EAF2: variants seen among roughly 807,000 people sequenced by gnomAD.
The protein encoded by EAF2 is ELL associated factor 2.
EAF2 carries 29 observed loss-of-function variants against 29.4 expected under a neutral mutation model. The ratio of observed to expected loss-of-function variants is 0.99; its 90% confidence interval spans 0.73 to 1.35. EAF2 has a LOEUF of 1.35. EAF2 is among the 40% of genes most tolerant of loss of function. The probability of loss-of-function intolerance (pLI) is 0.00; values close to 1 mark genes in which losing one functional copy is unlikely to be tolerated. For missense variants in EAF2, 292 were observed against 312.0 expected (o/e 0.94, Z 0.48); for synonymous variants, 103 against 102.5 (o/e 1.00, Z -0.03).
intron 2 of EAF2, among the ~76,000 whole-genome samples, chr3:121,853,041 C>G (rs576001546): frequency 2.6e-4 from 39 of 152,066 alleles, no homozygotes; most frequent in Non-Finnish European, 4.6e-4. Flanking sequence ...TTACATGTAC[C>G]CATCACTGAG....
intron 4 of EAF2, among the ~76,000 whole-genome samples, chr3:121,871,937 G>A (rs1216882239): frequency 6.6e-6 from 1 of 151,696 alleles, no homozygotes; most frequent in Non-Finnish European, 1.5e-5. Context: ...TAATTTTTTT[G>A]TGTATCTAGA....
intron 1 of EAF2, among the ~76,000 whole-genome samples, chr3:121,840,498 A>C (rs1313660838): frequency 1.3e-5 from 1 of 75,300 alleles, no homozygotes; most frequent in Non-Finnish European, 3.0e-5. Context: ...TAAAAAAAAA[A>C]AAAAAAAAAA....
chr3:121,838,409 CA>C (rs898177257), intron 1 of EAF2, among the ~76,000 whole-genome samples: 3 of 152,094 alleles, frequency 2.0e-5, no homozygotes, highest in African/African-American at 7.2e-5. Flanking sequence ...GATTAATCAG[CA>C]AATTCTTTAA....
intron 4 of EAF2, among the ~76,000 whole-genome samples, chr3:121,859,436 T>G (rs1027118068): frequency 1.3e-5 from 2 of 152,180 alleles, no homozygotes; most frequent in African/African-American, 4.8e-5. Context: ...GAAGCAATTG[T>G]GAATGGGAGT....
At chr3:121,859,192 T>C (rs1426438193) in intron 4 of EAF2, among the ~76,000 whole-genome samples, 1 of 152,176 alleles carries the variant, frequency 6.6e-6, no homozygotes, top group East Asian at 1.9e-4. Context: ...GTAGTTTTTT[T>C]CCAATTCTCT....
chr3:121,872,985 C>G, intron 5 of EAF2, 197 bp downstream of exon 5: 1 of 832,176 alleles, frequency 1.2e-6, no homozygotes, highest in Non-Finnish European at 2.0e-6. Context: ...TCCCATCTCT[C>G]TAGATAATCT....
intron 5 of EAF2, among the ~76,000 whole-genome samples, chr3:121,882,681 A>T (rs752893128): frequency 1.2e-4 from 18 of 152,138 alleles, no homozygotes; most frequent in Admixed American, 3.9e-4. Flanking sequence ...AGCAAACGAT[A>T]GAACTAATAA....
rs546447828 is a variant in EAF2 at position 121,848,523 on chromosome 3, C to G, written c.201+3976C>G. 2.6e-5 allele frequency among the ~76,000 whole-genome samples: 4 copies of G among 152,224 alleles called. No homozygotes were observed. In the South Asian group the frequency reaches 8.3e-4, roughly 32 times the overall value. On this transcript the variant is annotated intron_variant, in intron 2 of 5. Coordinates refer to ENST00000273668, the MANE Select transcript of EAF2 (RefSeq NM_018456.6). ...ATCGCAACTCTGCCAATGCTTTTAT[C>G]TAGAGGCGTGTTGCCATTTTTGTCT... is the stretch of plus-strand genomic sequence containing the variant.
intron 5 of EAF2, among the ~76,000 whole-genome samples, chr3:121,880,942 T>A (rs751388431): frequency 2.0e-5 from 3 of 152,180 alleles, no homozygotes; most frequent in African/African-American, 4.8e-5. Context: ...TAAAGCGATG[T>A]TGAATTTTAT....
chr3:121,845,296 G>T (rs1342500535), intron 2 of EAF2, among the ~76,000 whole-genome samples: 1 of 151,906 alleles, frequency 6.6e-6, no homozygotes, highest in Non-Finnish European at 1.5e-5. Context: ...AAATTAGCCA[G>T]TCGTGGTAGT....
At chr3:121,840,252 G>A (rs1446585633) in intron 1 of EAF2, among the ~76,000 whole-genome samples, 2 of 149,168 alleles carry the variant, frequency 1.3e-5, no homozygotes, top group Non-Finnish European at 3.0e-5. Context: ...CAGCACTTTC[G>A]GAGGCTGAGG....
At chr3:121,852,794 AATT>A (rs913250090) in intron 2 of EAF2, among the ~76,000 whole-genome samples, 11 of 152,190 alleles carry the variant, frequency 7.2e-5, no homozygotes, top group Non-Finnish European at 4.4e-5. Context: ...TATTTGATAA[AATT>A]ATTATGATAA....
At chr3:121,836,009 T>C (rs542987447) in intron 1 of EAF2, among the ~76,000 whole-genome samples, 2 of 152,346 alleles carry the variant, frequency 1.3e-5, no homozygotes, top group Admixed American at 1.3e-4. Flanking sequence ...ATTTCTACCC[T>C]TTGGTTTTCT....
rs745440983 is a variant in EAF2, at chr3:121,835,373, G to A, written c.88G>A (p.Ala30Thr). 3.1e-6 allele frequency: 5 copies of A among 1,613,966 alleles called. No individual in the cohort carries two copies. The highest frequency in any genetic ancestry group is 1.7e-5 in the Admixed American group (1 of 60,024). Residue 30 changes from alanine to threonine, a missense_variant, in exon 1 of 6, where the codon GCC becomes ACC. Transcript: ENST00000273668. The stretch of plus-strand genomic sequence containing the variant: ...GAGTTTCGAGAAGCAGCCGCGCTGC[G>A]CCTTCCACACTGTGCGCTGTGAGTG... ...GESFEKQPRCAFHTVRYDFKP... is the reference protein window; with the variant it reads ...GESFEKQPRCTFHTVRYDFKP...
intron 2 of EAF2, among the ~76,000 whole-genome samples, chr3:121,849,184 A>G (rs1313960600): frequency 6.6e-6 from 1 of 152,192 alleles, no homozygotes; most frequent in African/African-American, 2.4e-5. Flanking sequence ...TCATCCTGGT[A>G]TAACTGCCTA....
At chr3:121,883,837 T>C (rs1358854909) in intron 5 of EAF2, among the ~76,000 whole-genome samples, 2 of 152,250 alleles carry the variant, frequency 1.3e-5, no homozygotes, top group Non-Finnish European at 2.9e-5. Flanking sequence ...ATATTTTCTT[T>C]ACTAAGCAAC....
At position 121,872,538 on chromosome 3, in the gene EAF2, A is replaced by G. The variant is rs770297396; in HGVS notation, c.486A>G (p.Glu162=). 4 of 1,595,446 alleles carry G rather than the reference A, an allele frequency of 2.5e-6. No individual in the cohort carries two copies. The South Asian group carries it at 4.5e-5, about 18-fold the overall frequency. Residue 162 remains glutamate, a splice_region_variant and synonymous_variant, in exon 5 of 6, where the codon GAA becomes GAG. Coordinates refer to ENST00000273668, the MANE Select transcript of EAF2 (RefSeq NM_018456.6). The part of the protein sequence containing the change: ...PASPIDDIER[E]LKAEASLMDQ... ...TATTCATTTCTGTCTTATTTTCAGA[A>G]CTGAAGGCAGAAGCTAGTCTAATGG...
In EAF2 at chr3:121,886,471, G is replaced by A; in HGVS notation, c.*83G>A. ...ACAATAAAAATTCCTAAGACTGAGGGAAATATGTCTTAACTTTTGATGATA... is the reference window on the plus strand; with the variant it reads ...ACAATAAAAATTCCTAAGACTGAGGAAAATATGTCTTAACTTTTGATGATA... On this transcript the variant is annotated 3_prime_UTR_variant, in exon 6 of 6. Coordinates refer to ENST00000273668, the MANE Select transcript of EAF2 (RefSeq NM_018456.6). 1 of 723,564 alleles carries A rather than the reference G, an allele frequency of 1.4e-6. No individual in the cohort carries two copies. The highest frequency in any genetic ancestry group is 2.0e-6 in the Non-Finnish European group (1 of 488,970). 44.8% of individuals were successfully genotyped at this position (723,564 alleles called of 1,614,324 possible). A position where few individuals can be genotyped will look rare whatever the true frequency, so the allele number is the denominator to read the frequency against.
At chr3:121,840,553 C>T (rs905298982) in intron 1 of EAF2, among the ~76,000 whole-genome samples, 4 of 145,896 alleles carry the variant, frequency 2.7e-5, no homozygotes, top group Non-Finnish European at 6.0e-5. Flanking sequence ...CGCCTGTAAT[C>T]CCAGCACTTT....
Sources: allele counts gnomAD v4.1 joint callset (sites outside exome capture counted in the v4.1 genomes callset), GRCh38; gene constraint gnomAD v4.1.1; transcripts MANE v1.5; gene names NCBI Gene and HGNC (gene_info 2026-07-23, HGNC 2026-07-21).